Variants in TMEM39A observed in about 807,000 individuals in gnomAD.
TMEM39A encodes the protein suppressor of SQST-1 aggregates in rpl-43 mutants.
TMEM39A carries 19 observed loss-of-function variants against 51.9 expected under a neutral mutation model. The observed-to-expected ratio is 0.37, with a 90% CI of 0.26 to 0.54. The LOEUF (loss-of-function observed/expected upper bound fraction) is 0.54, where lower values mean the gene tolerates loss of function less well. TMEM39A is among the 20% of genes least tolerant of loss of function. The probability of loss-of-function intolerance (pLI) is 0.88; values close to 1 mark genes in which losing one functional copy is unlikely to be tolerated. For missense variants in TMEM39A, 433 were observed against 590.5 expected, an observed-to-expected ratio of 0.73 and a Z score of 2.76; for synonymous variants, 197 against 220.2, an observed-to-expected ratio of 0.89 and a Z score of 0.93.
At chr3:119,442,166 C>T (rs533553494) in intron 5 of TMEM39A, among the ~76,000 whole-genome samples, 4 of 152,106 alleles carry the variant, frequency 2.6e-5, no homozygotes, top group South Asian at 2.1e-4. Context: ...CATAGCGAAA[C>T]CCCGACTCTA....
intron 5 of TMEM39A, among the ~76,000 whole-genome samples, chr3:119,441,005 C>T (rs1275719488): frequency 6.6e-6 from 1 of 152,126 alleles, no homozygotes; most frequent in Admixed American, 6.5e-5. Context: ...GATATTACTA[C>T]TGTAATTGTT....
chr3:119,456,370 A>G (rs964277716), intron 3 of TMEM39A, among the ~76,000 whole-genome samples: 4 of 152,228 alleles, frequency 2.6e-5, no homozygotes, highest in Admixed American at 2.6e-4. Flanking sequence ...ATCACATGAT[A>G]TTAAGTAGAC....
intron 2 of TMEM39A, among the ~76,000 whole-genome samples, chr3:119,459,222 G>T (rs1577067053): frequency 1.3e-5 from 2 of 152,200 alleles, no homozygotes; most frequent in Admixed American, 1.3e-4. Context: ...TAAATAACTA[G>T]AGTGGCTCAC....
chr3:119,437,038 G>A (rs924876344), intron 6 of TMEM39A, 60 bp from the exon 7 acceptor site: 1 of 1,518,632 alleles, frequency 6.6e-7, no homozygotes, highest in Non-Finnish European at 9.0e-7. Flanking sequence ...GGCAGGGATG[G>A]GTTGGTGTAC....
intron 1 of TMEM39A, 132 bp from the exon 2 acceptor site, chr3:119,462,280 T>C (rs1158097957): frequency 3.9e-6 from 2 of 517,074 alleles, no homozygotes; most frequent in Non-Finnish European, 7.0e-6. Flanking sequence ...GTCTACTACT[T>C]ACGTTATTCG....
At chr3:119,443,600 C>T (rs1442121302) in intron 5 of TMEM39A, among the ~76,000 whole-genome samples, 2 of 152,076 alleles carry the variant, frequency 1.3e-5, no homozygotes, top group African/African-American at 4.8e-5. Flanking sequence ...AGACATAATG[C>T]TATTATGTAC....
chr3:119,450,119 A>G (rs185141009), intron 4 of TMEM39A, among the ~76,000 whole-genome samples: 1 of 152,242 alleles, frequency 6.6e-6, no homozygotes, highest in African/African-American at 2.4e-5. Context: ...CTCTTATTTT[A>G]AATTTTTGAA....
intron 5 of TMEM39A, among the ~76,000 whole-genome samples, chr3:119,439,443 T>C (rs1367850170): frequency 6.6e-6 from 1 of 151,896 alleles, no homozygotes; most frequent in Non-Finnish European, 1.5e-5. Flanking sequence ...TAGCTGGGTG[T>C]GGTGGCGCGC....
intron 5 of TMEM39A, among the ~76,000 whole-genome samples, chr3:119,442,840 A>G (rs916691591): frequency 1.3e-5 from 2 of 152,150 alleles, no homozygotes; most frequent in East Asian, 3.9e-4. Context: ...AGGCTGGATC[A>G]CTTGAGCCTA....
intron 1 of TMEM39A, 124 bp from the exon 2 acceptor site, chr3:119,462,272 C>G (rs1304775675): frequency 1.9e-6 from 1 of 534,286 alleles, no homozygotes; most frequent in Non-Finnish European, 3.4e-6. Context: ...TTCCCAGTGT[C>G]TACTACTTAC....
chr3:119,459,708 T>C (rs542562213), intron 2 of TMEM39A, among the ~76,000 whole-genome samples: 2 of 152,280 alleles, frequency 1.3e-5, no homozygotes, highest in African/African-American at 4.8e-5. Context: ...ACTAGCTCCT[T>C]GACATTCTAG....
At chr3:119,451,363 G>T in intron 4 of TMEM39A, 1 of 1,111,694 alleles carries the variant, frequency 9.0e-7, no homozygotes, top group South Asian at 1.3e-5. Flanking sequence ...TCAATTATTT[G>T]TGATTATAGT....
intron 3 of TMEM39A, among the ~76,000 whole-genome samples, chr3:119,454,200 AATG>A (rs1227215498): frequency 6.6e-6 from 1 of 152,214 alleles, no homozygotes; most frequent in East Asian, 1.9e-4. Flanking sequence ...TCGAGTGAAA[AATG>A]ATAACAGACT....
Position 119,430,400 on chromosome 3 carries a change from G to C in TMEM39A, c.*1581C>G, listed in dbSNP as rs1179022077. On this transcript the variant is annotated 3_prime_UTR_variant, in exon 9 of 9. Coordinates refer to ENST00000319172, the MANE Select transcript of TMEM39A (RefSeq NM_018266.3). The stretch of plus-strand genomic sequence containing the variant: ...TGCTACACTTATCACTACTACCAGG[G>C]AATGTTATATTACACATAAATTTAT... 1 of 151,914 alleles carries C rather than the reference G, an allele frequency of 6.6e-6. No individual in the cohort carries two copies. Among genetic ancestry groups the C allele is most frequent in the Non-Finnish European group, 1.5e-5 (1 of 67,960 alleles). 9.4% of individuals were successfully genotyped at this position (151,914 alleles called of 1,614,324 possible).
chr3:119,448,148 G>T (rs1164907724), intron 4 of TMEM39A, among the ~76,000 whole-genome samples: 2 of 152,090 alleles, frequency 1.3e-5, no homozygotes, highest in African/African-American at 4.8e-5. Flanking sequence ...TGCAAACATG[G>T]AAATAATGCA....
intron 4 of TMEM39A, 24 bp from the exon 5 acceptor site, chr3:119,447,196 T>C: frequency 6.2e-7 from 1 of 1,603,082 alleles, no homozygotes; most frequent in Non-Finnish European, 8.5e-7. Flanking sequence ...AGCACCAAAA[T>C]GAACATTTTG....
In TMEM39A at chr3:119,430,453, C is replaced by T. The variant is rs2080884252; in HGVS notation, c.*1528G>A. On this transcript the variant is annotated 3_prime_UTR_variant, in exon 9 of 9. Coordinates refer to ENST00000319172, the MANE Select transcript of TMEM39A (RefSeq NM_018266.3). ...GCTGTATTTTCTGCACCACCTAACTCCCCCACCCCCACGCATATTGTAAGC... is the reference window on the plus strand; with the variant it reads ...GCTGTATTTTCTGCACCACCTAACTTCCCCACCCCCACGCATATTGTAAGC... The T allele has an allele frequency of 6.6e-6, 1 of 152,070 alleles. No individual in the cohort carries two copies. Among genetic ancestry groups the T allele is most frequent in the Non-Finnish European group, 1.5e-5 (1 of 68,030 alleles). The allele number at this position is 152,070 out of a possible 1,614,324, so 9.4% of individuals were successfully genotyped here.
rs1345961436 is a variant in TMEM39A at position 119,462,927 on chromosome 3, G to A, written c.-75+409C>T. On this transcript the variant is annotated intron_variant, in intron 1 of 8. Coordinates refer to ENST00000319172, the MANE Select transcript of TMEM39A (RefSeq NM_018266.3). ...AAAAAAGCTCTTTTCATCATTCTACGGCAAAAATCATGATTCTGTCAACAT... is the reference window on the plus strand; with the variant it reads ...AAAAAAGCTCTTTTCATCATTCTACAGCAAAAATCATGATTCTGTCAACAT... 3.4e-5 allele frequency among the ~76,000 whole-genome samples: 5 copies of A among 148,818 alleles called. No homozygotes were observed. The East Asian group carries it at 9.8e-4, about 29-fold the overall frequency.
At chr3:119,459,884 G>A (rs997701079) in intron 2 of TMEM39A, among the ~76,000 whole-genome samples, 2 of 152,030 alleles carry the variant, frequency 1.3e-5, no homozygotes, top group Non-Finnish European at 2.9e-5. Flanking sequence ...CACTCCAGAA[G>A]TGAGTTCTCC....
Sources: gnomAD v4.1 joint callset for allele counts (sites outside exome capture counted in the v4.1 genomes callset) on GRCh38, gnomAD v4.1.1 for gene constraint, MANE v1.5 for transcripts, NCBI Gene and HGNC (gene_info 2026-07-23, HGNC 2026-07-21) for gene names.